ZC3H12B: variants seen among roughly 807,000 people sequenced by gnomAD.
ZC3H12B encodes the protein probable ribonuclease ZC3H12B.
Under a neutral mutation model 43.9 loss-of-function variants are expected in ZC3H12B, and 7 were observed. That is an observed-to-expected ratio of 0.16 (90% CI 0.09 to 0.30). ZC3H12B has a LOEUF of 0.30. Among genes scored for constraint, ZC3H12B ranks in the 10% least tolerant of loss-of-function variants. ZC3H12B has a pLI of 1.00. For synonymous variants in ZC3H12B, 222 were observed against 241.7 expected (o/e 0.92, Z 0.76); for missense variants, 475 against 670.2 (o/e 0.71, Z 3.22).
chrX:65,119,892 A>G, the ZC3H12B span, among the ~76,000 whole-genome samples: 6 of 112,073 alleles, frequency 5.4e-5, no homozygotes, highest in African/African-American at 1.9e-4. Context: ...AGCACCATTT[A>G]TTAAATAGGG....
the ZC3H12B span, among the ~76,000 whole-genome samples, chrX:65,057,461 C>T: frequency 8.9e-6 from 1 of 112,074 alleles, no homozygotes; most frequent in East Asian, 2.8e-4. Flanking sequence ...TGCTGTTAGT[C>T]TGATGGGCTT....
At chrX:65,172,259 C>T in the ZC3H12B span, among the ~76,000 whole-genome samples, 1 of 112,311 alleles carries the variant, frequency 8.9e-6, no homozygotes, top group African/African-American at 3.2e-5. Context: ...TGTTCATATC[C>T]TTTGCCTACT....
At chrX:65,336,952 C>A in the ZC3H12B span, among the ~76,000 whole-genome samples, 8 of 112,304 alleles carry the variant, frequency 7.1e-5, no homozygotes, top group Non-Finnish European at 1.1e-4. Context: ...TACTGCCAAA[C>A]CCACTCTTAG....
At chrX:65,040,953 T>C in the ZC3H12B span, among the ~76,000 whole-genome samples, 1 of 111,305 alleles carries the variant, frequency 9.0e-6, no homozygotes, top group South Asian at 3.8e-4. Context: ...CCCAGCTCTA[T>C]TTTCAGTAGA....
In ZC3H12B at chrX:65,400,555, T is replaced by C. The variant is rs142969646; in HGVS notation, n.407+1851T>C. Among the ~76,000 whole-genome samples the C allele has an allele frequency of 6.8e-3, 761 of 112,168 alleles. 9 individuals are homozygous for C. Among genetic ancestry groups the C allele is most frequent in the African/African-American group, 0.023 (722 of 30,937 alleles). On this transcript the variant is annotated intron_variant and non_coding_transcript_variant, in intron 3 of 5. Coordinates refer to the ZC3H12B transcript ENST00000617377. ...TTTTTTATGCTTGTAAAGATTTTAA[T>C]AATGTTGATTGAAATCAAAGTGTTA...
the ZC3H12B span, among the ~76,000 whole-genome samples, chrX:65,052,966 G>C: frequency 9.0e-6 from 1 of 111,493 alleles, no homozygotes; most frequent in Non-Finnish European, 1.9e-5. Flanking sequence ...TTGAATATAA[G>C]CCATTTTAAC....
the ZC3H12B span, among the ~76,000 whole-genome samples, chrX:65,180,189 G>T: frequency 8.9e-6 from 1 of 111,952 alleles, no homozygotes; most frequent in East Asian, 2.8e-4. Context: ...GGCATGCAAT[G>T]CTGGTTCAAC....
the ZC3H12B span, among the ~76,000 whole-genome samples, chrX:65,162,668 C>T: frequency 9.0e-6 from 1 of 111,662 alleles, no homozygotes; most frequent in East Asian, 2.8e-4. Context: ...ATACATTCGT[C>T]TAAATTTTTT....
the ZC3H12B span, among the ~76,000 whole-genome samples, chrX:65,058,653 G>A: frequency 1.3e-4 from 15 of 112,081 alleles, no homozygotes; most frequent in South Asian, 1.1e-3. Flanking sequence ...CCTTTTGTTC[G>A]GCTGTGCCCT....
intron 3 of ZC3H12B, among the ~76,000 whole-genome samples, chrX:65,434,758 A>G (rs780355562): frequency 7.7e-4 from 86 of 110,990 alleles, no homozygotes; most frequent in African/African-American, 2.4e-3. Context: ...AAAGAAGGGT[A>G]GTGGGTGAGT....
At chrX:65,500,822 C>T (rs1344709059) in intron 4 of ZC3H12B, among the ~76,000 whole-genome samples, 1 of 110,267 alleles carries the variant, frequency 9.1e-6, no homozygotes, top group Non-Finnish European at 1.9e-5. Flanking sequence ...AACGTTTGTG[C>T]GCCTAACATT....
the ZC3H12B span, among the ~76,000 whole-genome samples, chrX:65,170,231 G>A: frequency 9.0e-6 from 1 of 111,253 alleles, no homozygotes; most frequent in African/African-American, 3.3e-5. Flanking sequence ...CAGGCCCGGT[G>A]GTGACAAAAT....
the ZC3H12B span, among the ~76,000 whole-genome samples, chrX:65,054,345 G>C: frequency 9.0e-6 from 1 of 111,365 alleles, no homozygotes; most frequent in Non-Finnish European, 1.9e-5. Context: ...AGTTTTCCCA[G>C]CACCATTTAT....
intron 2 of ZC3H12B, among the ~76,000 whole-genome samples, chrX:65,393,471 C>T (rs1430471629): frequency 9.1e-6 from 1 of 110,266 alleles, no homozygotes; most frequent in Non-Finnish European, 1.9e-5. Flanking sequence ...CCCGAAAGGC[C>T]CTAGTGTGTA....
the ZC3H12B span, among the ~76,000 whole-genome samples, chrX:65,298,069 C>T: frequency 8.9e-6 from 1 of 111,900 alleles, no homozygotes; most frequent in African/African-American, 3.2e-5. Flanking sequence ...ATGGGAAAAT[C>T]CCGTCTAGAC....
upstream of ZC3H12B, among the ~76,000 whole-genome samples, chrX:65,487,397 G>A (rs898756262): frequency 1.8e-5 from 2 of 111,561 alleles, no homozygotes; most frequent in Admixed American, 9.5e-5. Flanking sequence ...AGAATTAGCC[G>A]GGCATGGTGA....
the ZC3H12B span, among the ~76,000 whole-genome samples, chrX:65,332,567 G>T: frequency 9.0e-6 from 1 of 111,383 alleles, no homozygotes; most frequent in East Asian, 2.8e-4. Context: ...AGTCCAGTAT[G>T]TGTTTAGAAT....
chrX:65,072,328 C>T, the ZC3H12B span, among the ~76,000 whole-genome samples: 12 of 112,101 alleles, frequency 1.1e-4, no homozygotes, highest in African/African-American at 3.6e-4. Flanking sequence ...TCTTTACTGG[C>T]TATTTTGCCT....
At chrX:65,257,419 C>T in the ZC3H12B span, among the ~76,000 whole-genome samples, 1 of 110,377 alleles carries the variant, frequency 9.1e-6, no homozygotes, top group African/African-American at 3.3e-5. Context: ...CACTTGGACA[C>T]AGGGCAGAGA....
Sources: allele counts gnomAD v4.1 joint callset (sites outside exome capture counted in the v4.1 genomes callset), GRCh38; gene constraint gnomAD v4.1.1; transcripts MANE v1.5; gene names NCBI Gene and HGNC (gene_info 2026-07-23, HGNC 2026-07-21).